Variants in POLA1 observed in about 807,000 individuals in gnomAD.
POLA1 encodes the protein DNA polymerase alpha 1, catalytic subunit, also known as DNA polymerase alpha catalytic subunit.
A neutral mutation model predicts 124.0 loss-of-function variants in POLA1; 15 were observed. That is an observed-to-expected ratio of 0.12 (90% CI 0.08 to 0.19). The LOEUF (loss-of-function observed/expected upper bound fraction) is 0.19. Ranked by LOEUF, POLA1 falls within the 10% of genes least tolerant of loss-of-function variation. The probability of loss-of-function intolerance (pLI) is 1.00; values close to 1 mark genes in which losing one functional copy is unlikely to be tolerated. For synonymous variants in POLA1, 408 were observed against 389.4 expected, an observed-to-expected ratio of 1.05 and a Z score of -0.56; for missense variants, 886 against 1,103.4, an observed-to-expected ratio of 0.80 and a Z score of 2.79.
rs778117592 is a variant in POLA1 at position 24,863,266 on chromosome X, C to G, written c.4047+19589C>G. Among the ~76,000 whole-genome samples, 8 of 107,817 alleles carry G rather than the reference C, an allele frequency of 7.4e-5. No individual in the cohort carries two copies. In the East Asian group the frequency reaches 2.3e-3, roughly 32 times the overall value. 93.6% of individuals were successfully genotyped at this position (107,817 alleles called of 115,157 possible). On this transcript the variant is annotated intron_variant, in intron 34 of 36. Coordinates refer to ENST00000379068, the MANE Select transcript of POLA1 (RefSeq NM_001330360.2). ...ATTGAAGGGAAGAGTATGCCCCCCC[C>G]CATCTTCCACCCTCTTTTCAAACCT...
At chrX:24,844,150 G>GT (rs1337640796) in intron 34 of POLA1, among the ~76,000 whole-genome samples, 1 of 111,230 alleles carries the variant, frequency 9.0e-6, no homozygotes, top group South Asian at 3.7e-4. Flanking sequence ...CCATACCCTA[G>GT]TTTTTTGAGG....
intron 26 of POLA1, among the ~76,000 whole-genome samples, chrX:24,779,321 C>T (rs957289849): frequency 8.9e-6 from 1 of 112,107 alleles, no homozygotes; most frequent in African/African-American, 3.2e-5. Flanking sequence ...TTGTGATCCA[C>T]CTGCCTCAGC....
chrX:24,762,689 C>T (rs1326465333), intron 26 of POLA1, among the ~76,000 whole-genome samples: 1 of 110,430 alleles, frequency 9.1e-6, no homozygotes, highest in Non-Finnish European at 1.9e-5. Flanking sequence ...AAGGTCACAC[C>T]ATATGGGCTT....
intron 26 of POLA1, among the ~76,000 whole-genome samples, chrX:24,764,328 A>G: frequency 8.9e-6 from 1 of 111,752 alleles, no homozygotes; most frequent in East Asian, 2.8e-4. Flanking sequence ...TAAAAAGGCC[A>G]GTTTGTATGC....
At position 24,776,493 on chromosome X, in the gene POLA1, C is replaced by A. The variant is rs192762369; in HGVS notation, c.2964+27501C>A. ...AGACAGTAGTTTGTGCCTTTCTCAA[C>A]CTTGTTATAGATCTGTGGATAGTTT... is the stretch of plus-strand genomic sequence containing the variant. On this transcript the variant is annotated intron_variant, in intron 26 of 36. Transcript: ENST00000379068. Among the ~76,000 whole-genome samples, 19 of 111,659 alleles carry A rather than the reference C, an allele frequency of 1.7e-4. No homozygotes were observed. In the East Asian group the frequency reaches 5.0e-3, roughly 30 times the overall value.
At chrX:24,700,248 TTTAATCTTTTCA>T (rs1208913756) in intron 2 of POLA1, among the ~76,000 whole-genome samples, 3 of 110,275 alleles carry the variant, frequency 2.7e-5, no homozygotes, top group Non-Finnish European at 5.7e-5. Context: ...TGTTTATTCA[TTTAATCTTTTCA>T]ATAACCAAAT....
At chrX:24,838,319 C>T (rs918426468) in intron 32 of POLA1, among the ~76,000 whole-genome samples, 10 of 111,606 alleles carry the variant, frequency 9.0e-5, no homozygotes, top group African/African-American at 3.3e-4. Flanking sequence ...TACCCTCAAC[C>T]CCAGCACAAA....
intron 34 of POLA1, among the ~76,000 whole-genome samples, chrX:24,887,160 C>G (rs2047075660): frequency 8.9e-6 from 1 of 112,415 alleles, no homozygotes; most frequent in South Asian, 3.7e-4. Context: ...TTTGTGATGT[C>G]TTACCTCCTT....
At chrX:24,951,221 C>T (rs1016499250) in intron 36 of POLA1, among the ~76,000 whole-genome samples, 25 of 93,619 alleles carry the variant, frequency 2.7e-4, no homozygotes, top group Non-Finnish European at 4.9e-4. Flanking sequence ...TCCCCTTCCT[C>T]ACTACCTTAT....
intron 32 of POLA1, among the ~76,000 whole-genome samples, 157 bp downstream of exon 32, chrX:24,826,758 C>T (rs1183559580): frequency 1.8e-5 from 2 of 111,806 alleles, no homozygotes; most frequent in Non-Finnish European, 3.8e-5. Context: ...GGTACTGTCT[C>T]CACTCATAGA....
chrX:24,704,683 GTC>G (rs1928680067), intron 4 of POLA1, among the ~76,000 whole-genome samples: 1 of 111,994 alleles, frequency 8.9e-6, no homozygotes, highest in South Asian at 3.7e-4. Flanking sequence ...GAAGTTTCAT[GTC>G]TCTGTTATTC....
chrX:24,966,528 A>C (rs771158396), intron 36 of POLA1, among the ~76,000 whole-genome samples: 1 of 112,457 alleles, frequency 8.9e-6, no homozygotes, highest in Admixed American at 9.4e-5. Flanking sequence ...TAAAGGCTAC[A>C]TGGATGGTTT....
chrX:24,868,629 T>C (rs2046825875), intron 34 of POLA1, among the ~76,000 whole-genome samples: 2 of 111,919 alleles, frequency 1.8e-5, no homozygotes, highest in Admixed American at 1.9e-4. Context: ...AAGCATAATC[T>C]TTCTAAAAAT....
intron 34 of POLA1, among the ~76,000 whole-genome samples, chrX:24,854,695 C>T (rs972248051): frequency 4.5e-5 from 5 of 110,141 alleles, no homozygotes; most frequent in Non-Finnish European, 7.6e-5. Context: ...CTGGCGTCTT[C>T]GCACATGCCT....
At chrX:24,786,450 T>C (rs2045362837) in intron 26 of POLA1, among the ~76,000 whole-genome samples, 1 of 111,557 alleles carries the variant, frequency 9.0e-6, no homozygotes, top group South Asian at 3.8e-4. Flanking sequence ...CGTTTCTGTG[T>C]CTTCTTTGGA....
At chrX:24,836,768 A>G (rs1444468423) in intron 32 of POLA1, among the ~76,000 whole-genome samples, 4 of 111,550 alleles carry the variant, frequency 3.6e-5, no homozygotes, top group South Asian at 3.7e-4. Flanking sequence ...CAGTTTGAGT[A>G]TCCGTTATCT....
intron 26 of POLA1, among the ~76,000 whole-genome samples, chrX:24,777,326 G>A (rs1181493405): frequency 1.8e-5 from 2 of 112,415 alleles, no homozygotes; most frequent in Non-Finnish European, 3.8e-5. Flanking sequence ...GACATTCTGA[G>A]CAACTAACTT....
At chrX:24,834,351 T>C (rs898490556) in intron 32 of POLA1, among the ~76,000 whole-genome samples, 2 of 112,132 alleles carry the variant, frequency 1.8e-5, no homozygotes, top group Non-Finnish European at 3.8e-5. Context: ...CTATTATTTC[T>C]TCTAAAATAC....
intron 35 of POLA1, among the ~76,000 whole-genome samples, chrX:24,888,543 A>G (rs377275187): frequency 8.4e-4 from 90 of 107,722 alleles, no homozygotes; most frequent in African/African-American, 2.9e-3. Flanking sequence ...AATTGTTTAT[A>G]AGTAGCTGCA....
Sources: allele counts gnomAD v4.1 joint callset (sites outside exome capture counted in the v4.1 genomes callset), GRCh38; gene constraint gnomAD v4.1.1; transcripts MANE v1.5; gene names NCBI Gene and HGNC (gene_info 2026-07-23, HGNC 2026-07-21).